Variants in TTLL5 observed in about 807,000 individuals in gnomAD.
TTLL5 encodes tubulin polyglutamylase TTLL5.
TTLL5 carries 132 observed loss-of-function variants against 168.4 expected under a neutral mutation model. That is an observed-to-expected ratio of 0.78 (90% confidence interval 0.68 to 0.91). The LOEUF (loss-of-function observed/expected upper bound fraction) is 0.91, where lower values mean the gene tolerates loss of function less well. Ranked by LOEUF, TTLL5 falls within the 40% of genes least tolerant of loss-of-function variation. The pLI, the probability that TTLL5 is intolerant of heterozygous loss-of-function variation, is 0.00. For missense variants in TTLL5, 1,545 were observed against 1,581.5 expected (o/e 0.98, Z 0.39); for synonymous variants, 546 against 558.6 (o/e 0.98, Z 0.32).
chr14:75,877,147 C>T (rs1022251637), intron 29 of TTLL5, among the ~76,000 whole-genome samples: 3 of 152,086 alleles, frequency 2.0e-5, no homozygotes, highest in African/African-American at 7.2e-5. Context: ...GTAGCGTTTG[C>T]CTACTTTATC....
At chr14:75,772,145 T>C (rs9323620) in intron 21 of TTLL5, among the ~76,000 whole-genome samples, 111,125 of 152,066 alleles carry the variant, frequency 0.73, 40,919 homozygotes, top group Admixed American at 0.79. Context: ...TCATTGGACG[T>C]GAAGCCCTGT....
At chr14:75,951,280 T>G (rs891026133) in intron 31 of TTLL5, among the ~76,000 whole-genome samples, 4 of 151,370 alleles carry the variant, frequency 2.6e-5, no homozygotes, top group African/African-American at 9.7e-5. Context: ...CCCAGGAGGT[T>G]GGGGCTGCAA....
chr14:75,914,033 A>AAAAAAAAAAAAAAAAAATATATAT, intron 31 of TTLL5, among the ~76,000 whole-genome samples: 6 of 71,116 alleles, frequency 8.4e-5, no homozygotes, highest in East Asian at 4.4e-4. Flanking sequence ...AAAAAAAAAA[A>AAAAAAAAAAAAAAAAAATATATAT]ATATATATAT....
intron 27 of TTLL5, among the ~76,000 whole-genome samples, chr14:75,794,568 G>A (rs886471962): frequency 2.6e-5 from 4 of 152,086 alleles, no homozygotes; most frequent in Admixed American, 1.3e-4. Flanking sequence ...GGAATCCAAG[G>A]TGACTGTATC....
intron 3 of TTLL5, among the ~76,000 whole-genome samples, chr14:75,677,812 G>A (rs891866271): frequency 7.1e-6 from 1 of 140,154 alleles, no homozygotes; most frequent in Middle Eastern, 3.4e-3. Flanking sequence ...TTTTTTTTTT[G>A]TTAGTGACGA....
At chr14:75,923,850 T>G (rs1020132546) in intron 31 of TTLL5, among the ~76,000 whole-genome samples, 5 of 152,224 alleles carry the variant, frequency 3.3e-5, no homozygotes, top group Non-Finnish European at 5.9e-5. Context: ...TAAGTCTCTT[T>G]GTAGGTCTCT....
intron 27 of TTLL5, among the ~76,000 whole-genome samples, chr14:75,819,112 T>C (rs1408929418): frequency 1.3e-5 from 2 of 152,220 alleles, no homozygotes; most frequent in African/African-American, 2.4e-5. Flanking sequence ...TGCGACGTAC[T>C]CATTTACACA....
chr14:75,699,000 C>T (rs919815979), intron 6 of TTLL5, among the ~76,000 whole-genome samples, 188 bp from the exon 7 acceptor site: 19 of 152,008 alleles, frequency 1.2e-4, no homozygotes, highest in Non-Finnish European at 1.5e-5. Context: ...CTCCTTCCCT[C>T]GCTCTATTTT....
At chr14:75,839,732 T>C (rs1307789140) in intron 28 of TTLL5, among the ~76,000 whole-genome samples, 1 of 152,142 alleles carries the variant, frequency 6.6e-6, no homozygotes. Flanking sequence ...AAGATGAGAT[T>C]TGGGGAGGGG....
At chr14:75,769,775 G>C (rs1358857130) in intron 20 of TTLL5, among the ~76,000 whole-genome samples, 2 of 152,142 alleles carry the variant, frequency 1.3e-5, no homozygotes, top group Admixed American at 6.5e-5. Context: ...ATTTTGACTT[G>C]AGAATAATTT....
At chr14:75,835,159 A>G (rs1015253296) in intron 28 of TTLL5, among the ~76,000 whole-genome samples, 3 of 152,236 alleles carry the variant, frequency 2.0e-5, no homozygotes, top group Non-Finnish European at 4.4e-5. Flanking sequence ...AAAACCTGCT[A>G]TGGCAGCAGT....
chr14:75,714,819 A>T (rs1233194585), intron 9 of TTLL5, among the ~76,000 whole-genome samples: 2 of 152,198 alleles, frequency 1.3e-5, no homozygotes, highest in Non-Finnish European at 2.9e-5. Flanking sequence ...TTAGAAATCA[A>T]TATCTGGGTG....
chr14:75,737,504 A>G (rs1888985007), intron 15 of TTLL5: 1 of 1,477,506 alleles, frequency 6.8e-7, no homozygotes, highest in Non-Finnish European at 9.0e-7. Flanking sequence ...GATCTAGGAG[A>G]TGGAAAATGT....
chr14:75,890,046 T>C (rs1223465398), intron 30 of TTLL5, among the ~76,000 whole-genome samples: 1 of 152,162 alleles, frequency 6.6e-6, no homozygotes, highest in Non-Finnish European at 1.5e-5. Flanking sequence ...AAGATACAAA[T>C]GGTAAATTGG....
chr14:75,886,809 T>C, intron 30 of TTLL5: 2 of 1,578,930 alleles, frequency 1.3e-6, no homozygotes, highest in Non-Finnish European at 1.7e-6. Context: ...AACTGTCTCT[T>C]GTAAATGAGC....
At chr14:75,683,277 A>G (rs1478176571) in intron 4 of TTLL5, among the ~76,000 whole-genome samples, 2 of 152,262 alleles carry the variant, frequency 1.3e-5, no homozygotes, top group Non-Finnish European at 2.9e-5. Context: ...AGCCTGAGAA[A>G]GAAATGCAAG....
At chr14:75,679,553 C>T (rs770402872) in intron 3 of TTLL5, among the ~76,000 whole-genome samples, 32 of 152,202 alleles carry the variant, frequency 2.1e-4, no homozygotes, top group Non-Finnish European at 4.1e-4. Flanking sequence ...TATTCCCTCT[C>T]GACTCCTTGT....
At chr14:75,698,915 A>G (rs1402932872) in intron 6 of TTLL5, among the ~76,000 whole-genome samples, 1 of 152,050 alleles carries the variant, frequency 6.6e-6, no homozygotes, top group Non-Finnish European at 1.5e-5. Flanking sequence ...TAAAAAAAAA[A>G]AAAAGAAAAG....
intron 26 of TTLL5, among the ~76,000 whole-genome samples, chr14:75,791,277 A>G (rs1263807674): frequency 1.3e-5 from 2 of 152,140 alleles, no homozygotes; most frequent in African/African-American, 2.4e-5. Context: ...TAATGGCAAT[A>G]TGCTTGAAAT....
Sources: gnomAD v4.1 joint callset for allele counts (sites outside exome capture counted in the v4.1 genomes callset) on GRCh38, gnomAD v4.1.1 for gene constraint, MANE v1.5 for transcripts, NCBI Gene and HGNC (gene_info 2026-07-23, HGNC 2026-07-21) for gene names.